Variants in TMEM232 observed in about 807,000 individuals in gnomAD.
TMEM232 encodes transmembrane protein 232.
Under a neutral mutation model 78.8 loss-of-function variants are expected in TMEM232, and 80 were observed. The observed-to-expected ratio is 1.01, with a 90% CI of 0.85 to 1.22. TMEM232 has a LOEUF of 1.22. Among genes scored for constraint, TMEM232 ranks in the 50% most tolerant of loss-of-function variants. The pLI is 0.00. For synonymous variants in TMEM232, 297 were observed against 254.3 expected (o/e 1.17, Z -1.60); for missense variants, 881 against 742.2 (o/e 1.19, Z -2.17).
intron 11 of TMEM232, among the ~76,000 whole-genome samples, chr5:110,551,210 T>C (rs949148180): frequency 6.6e-6 from 1 of 151,842 alleles, no homozygotes; most frequent in African/African-American, 2.4e-5. Context: ...ACTTTTTGTT[T>C]GTTTGTTTGT....
chr5:110,698,294 G>A (rs903667001), intron 1 of TMEM232, among the ~76,000 whole-genome samples: 1 of 151,894 alleles, frequency 6.6e-6, no homozygotes, highest in African/African-American at 2.4e-5. Context: ...TGTGGGGTGG[G>A]TGGAGGGGGA....
chr5:110,401,270 C>A (rs1755582387), intron 2 of TMEM232, among the ~76,000 whole-genome samples: 1 of 146,262 alleles, frequency 6.8e-6, no homozygotes, highest in South Asian at 2.1e-4. Context: ...CAACTTGACA[C>A]AGACACAACA....
At chr5:110,580,821 T>A (rs1343965181) in intron 10 of TMEM232, among the ~76,000 whole-genome samples, 1 of 151,494 alleles carries the variant, frequency 6.6e-6, no homozygotes, top group Non-Finnish European at 1.5e-5. Flanking sequence ...TCAAGAAGAT[T>A]GAAACTATGC....
intron 10 of TMEM232, among the ~76,000 whole-genome samples, chr5:110,596,317 G>T (rs1780156262): frequency 6.6e-6 from 1 of 152,144 alleles, no homozygotes; most frequent in South Asian, 2.1e-4. Context: ...AAACCAGGAA[G>T]AAGTTGAATC....
chr5:110,446,925 ATCT>A (rs1443019279), intron 12 of TMEM232, among the ~76,000 whole-genome samples: 7 of 151,840 alleles, frequency 4.6e-5, no homozygotes, highest in Non-Finnish European at 1.0e-4. Flanking sequence ...CTATGTGGTG[ATCT>A]TTAGTAACCT....
rs1221047137 is a variant in TMEM232 at position 110,625,188 on chromosome 5, T to C, written c.768+79A>G. 4.4e-6 allele frequency: 6 copies of C among 1,352,178 alleles called. No homozygotes were observed. The African/African-American group carries it at 6.0e-5, about 13-fold the overall frequency. The allele number at this position is 1,352,178 out of a possible 1,614,324, so 83.8% of individuals were successfully genotyped here. A position where few individuals can be genotyped will look rare whatever the true frequency, so the allele number is the denominator to read the frequency against. The stretch of plus-strand genomic sequence containing the variant: ...CATTCCTCAATGTCTACTGTATTGA[T>C]AAGCACCATTACTTAATCATAGTAA... On this transcript the variant is annotated intron_variant, in intron 7 of 13. Coordinates refer to ENST00000455884, the MANE Select transcript of TMEM232 (RefSeq NM_001039763.4).
At chr5:110,478,660 T>C (rs1020627136) in intron 12 of TMEM232, among the ~76,000 whole-genome samples, 5 of 151,860 alleles carry the variant, frequency 3.3e-5, no homozygotes, top group African/African-American at 4.8e-5. Flanking sequence ...TTTATGGGCA[T>C]TGATGTTGAA....
chr5:110,548,795 T>C (rs1774098885), intron 11 of TMEM232, among the ~76,000 whole-genome samples: 1 of 152,194 alleles, frequency 6.6e-6, no homozygotes, highest in South Asian at 2.1e-4. Flanking sequence ...AATTAAAAGA[T>C]GGAAATAGAT....
At chr5:110,405,035 A>C (rs1052754170) in intron 2 of TMEM232, among the ~76,000 whole-genome samples, 1 of 152,166 alleles carries the variant, frequency 6.6e-6, no homozygotes, top group African/African-American at 2.4e-5. Context: ...TGATAAACAG[A>C]AAGAAATAAC....
At chr5:110,723,063 A>C (rs10463610) in intron 1 of TMEM232, among the ~76,000 whole-genome samples, 11,119 of 152,194 alleles carry the variant, frequency 0.073, 485 homozygotes, top group South Asian at 0.2. Context: ...CTATCTTCTG[A>C]AAGAAACTTG....
chr5:110,592,640 C>T (rs935213219), intron 10 of TMEM232, among the ~76,000 whole-genome samples: 2 of 152,048 alleles, frequency 1.3e-5, no homozygotes, highest in African/African-American at 2.4e-5. Context: ...AGAAAGACAT[C>T]AGTGAAAGCA....
At chr5:110,681,581 TCC>T (rs1792754365) in intron 1 of TMEM232, among the ~76,000 whole-genome samples, 1 of 152,020 alleles carries the variant, frequency 6.6e-6, no homozygotes, top group Non-Finnish European at 1.5e-5. Flanking sequence ...TCTATCTTCA[TCC>T]GAAAAAAGGG....
downstream of TMEM232, chr5:110,418,041 G>C (rs879846891): frequency 6.6e-6 from 1 of 152,150 alleles, no homozygotes; most frequent in Non-Finnish European, 1.5e-5. Context: ...TGTGTGAAGT[G>C]CCTTCTACAT....
chr5:110,607,307 G>A (rs1781648321), intron 8 of TMEM232, among the ~76,000 whole-genome samples: 2 of 151,896 alleles, frequency 1.3e-5, no homozygotes, highest in South Asian at 4.2e-4. Flanking sequence ...TTTTAAGCTA[G>A]ATTAGTTGTA....
intron 12 of TMEM232, among the ~76,000 whole-genome samples, chr5:110,447,293 G>A (rs1340968745): frequency 1.3e-5 from 2 of 151,928 alleles, no homozygotes; most frequent in Admixed American, 6.6e-5. Context: ...ATAGAAACCC[G>A]TCTCCTTACA....
intron 3 of TMEM232, among the ~76,000 whole-genome samples, chr5:110,393,654 G>C (rs962445180): frequency 6.6e-6 from 1 of 151,920 alleles, no homozygotes; most frequent in Admixed American, 6.6e-5. Flanking sequence ...ATACTCTTAG[G>C]TTATTTTAAA....
chr5:110,524,451 AAG>A (rs1491459468), intron 12 of TMEM232, among the ~76,000 whole-genome samples: 9 of 151,710 alleles, frequency 5.9e-5, no homozygotes, highest in African/African-American at 1.5e-4. Flanking sequence ...AAAGGAAAGA[AAG>A]AAAGAAAAAG....
chr5:110,538,524 A>C (rs1249650452), intron 11 of TMEM232, among the ~76,000 whole-genome samples: 1 of 152,192 alleles, frequency 6.6e-6, no homozygotes, highest in Admixed American at 6.5e-5. Flanking sequence ...CTCTTGCTTC[A>C]AATGCAAGAA....
At chr5:110,564,284 G>GA (rs554997592) in intron 11 of TMEM232, among the ~76,000 whole-genome samples, 2 of 151,682 alleles carry the variant, frequency 1.3e-5, no homozygotes, top group Admixed American at 6.6e-5. Context: ...TAAGACGTAA[G>GA]AAAAAAAAGT....
Sources: gnomAD v4.1 joint callset for allele counts (sites outside exome capture counted in the v4.1 genomes callset) on GRCh38, gnomAD v4.1.1 for gene constraint, MANE v1.5 for transcripts, NCBI Gene and HGNC (gene_info 2026-07-23, HGNC 2026-07-21) for gene names.